Variants in RFPL2 observed in about 807,000 individuals in gnomAD.
RFPL2 encodes ret finger protein-like 2.
A neutral mutation model predicts 17.8 loss-of-function variants in RFPL2; 13 were observed. The observed-to-expected ratio is 0.73, with a 90% confidence interval of 0.47 to 1.16. The LOEUF (loss-of-function observed/expected upper bound fraction) is 1.16, where lower values mean the gene tolerates loss of function less well. Ranked by LOEUF, RFPL2 falls within the 50% of genes most tolerant of loss-of-function variation. The probability of loss-of-function intolerance (pLI) is 0.00; values close to 1 mark genes in which losing one functional copy is unlikely to be tolerated. For synonymous variants in RFPL2, 189 were observed against 180.9 expected, an observed-to-expected ratio of 1.04 and a Z score of -0.36; for missense variants, 431 against 479.3, an observed-to-expected ratio of 0.90 and a Z score of 0.94.
At chr22:32,194,208 T>C in intron 3 of RFPL2, 137 bp downstream of exon 3, 11 of 986,870 alleles carry the variant, frequency 1.1e-5, no homozygotes, top group Non-Finnish European at 1.6e-5. Context: ...GGGTGACTGG[T>C]TTCCAACTCT....
At chr22:32,195,506 AGTGCAGTGG>A (rs1463904733) in intron 2 of RFPL2, among the ~76,000 whole-genome samples, 3 of 151,724 alleles carry the variant, frequency 2.0e-5, no homozygotes, top group Non-Finnish European at 4.4e-5. Flanking sequence ...GCCAGGCTGG[AGTGCAGTGG>A]CACAAACTTG....
At chr22:32,191,395 C>T (rs760872897) in intron 4 of RFPL2, 43 bp from the exon 5 acceptor site, 5 of 1,570,982 alleles carry the variant, frequency 3.2e-6, no homozygotes, top group South Asian at 1.2e-5. Flanking sequence ...GGACAGAAAC[C>T]AACCCTATGC....
intron 1 of RFPL2, among the ~76,000 whole-genome samples, chr22:32,203,832 T>C (rs111299827): frequency 1.3e-5 from 2 of 149,008 alleles, no homozygotes; most frequent in Admixed American, 6.6e-5. Context: ...CCCGCCGCTG[T>C]GGGAAATGAC....
chr22:32,195,866 C>A (rs1244102212), intron 2 of RFPL2, among the ~76,000 whole-genome samples: 1 of 152,098 alleles, frequency 6.6e-6, no homozygotes, highest in Non-Finnish European at 1.5e-5. Context: ...TGCTAGAGCC[C>A]ATTTCTCCCA....
At chr22:32,200,875 C>A (rs747445167) in intron 2 of RFPL2, among the ~76,000 whole-genome samples, 6 of 151,916 alleles carry the variant, frequency 3.9e-5, no homozygotes, top group African/African-American at 7.3e-5. Context: ...GGGCCCGCCT[C>A]GATTCTTCAC....
intron 1 of RFPL2, chr22:32,203,029 A>T (rs1569356338): frequency 1.0e-6 from 1 of 985,786 alleles, no homozygotes; most frequent in Non-Finnish European, 1.2e-6. Context: ...CAAGAACAGG[A>T]GGAGGTGGCC....
chr22:32,204,519 C>T (rs1159636817), intron 1 of RFPL2, among the ~76,000 whole-genome samples, 188 bp downstream of exon 1: 1 of 152,244 alleles, frequency 6.6e-6, no homozygotes. Flanking sequence ...CCAGATCGTG[C>T]ATCCAACCTG....
At chr22:32,192,832 G>T in intron 4 of RFPL2, 70 bp downstream of exon 4, 1 of 1,530,548 alleles carries the variant, frequency 6.5e-7, no homozygotes, top group South Asian at 1.3e-5. Flanking sequence ...TGTGGAATGA[G>T]GGGCCAACTG....
chr22:32,202,308 C>G, intron 2 of RFPL2, 25 bp downstream of exon 2: 1 of 1,569,024 alleles, frequency 6.4e-7, no homozygotes, highest in South Asian at 1.2e-5. Flanking sequence ...TGGAGCAATG[C>G]GGAAAACCCA....
intron 2 of RFPL2, among the ~76,000 whole-genome samples, chr22:32,196,215 C>A (rs1368892562): frequency 6.6e-6 from 1 of 152,154 alleles, no homozygotes; most frequent in Non-Finnish European, 1.5e-5. Context: ...CTGCAGGTAT[C>A]GTGGAAATGG....
chr22:32,194,462 G>A lies in RFPL2; in HGVS notation c.148C>T (p.Arg50Cys), dbSNP rs108211. ...AGATTCCCACCTCCCACTGGGTCAC[G>A]CCCTTCCACACCCTCTAACCTGATG... The part of the protein sequence containing the change: ...SLIRLEGVEG[R>C]DPVGGGNLTN... Residue 50 changes from arginine (R) to cysteine (C), a missense_variant, in exon 3 of 5, where the codon CGT becomes TGT. Arg to Cys is a radical substitution (Grantham distance 180). Coordinates refer to ENST00000652607, the MANE Select transcript of RFPL2 (RefSeq NM_001394555.1). 0.48 allele frequency: 771,810 copies of A among 1,609,490 alleles called. 193,148 individuals carry two copies. Among genetic ancestry groups the A allele is most frequent in the African/African-American group, 0.79 (58,920 of 74,814 alleles).
At chr22:32,201,599 C>T (rs142679570) in intron 2 of RFPL2, among the ~76,000 whole-genome samples, 142 of 152,228 alleles carry the variant, frequency 9.3e-4, no homozygotes, top group African/African-American at 3.1e-3. Flanking sequence ...CTTTGGAGGA[C>T]GCATCATTTA....
chr22:32,202,673 G>C, intron 1 of RFPL2, 123 bp from the exon 2 acceptor site: 2 of 1,359,708 alleles, frequency 1.5e-6, no homozygotes, highest in Non-Finnish European at 1.9e-6. Flanking sequence ...TCTCCTTTTA[G>C]CGCAAGCTGG....
chr22:32,197,960 T>C (rs1923522367), intron 2 of RFPL2, among the ~76,000 whole-genome samples: 1 of 151,654 alleles, frequency 6.6e-6, no homozygotes. Context: ...TCCCTGGAGG[T>C]TGAGGCTGGA....
At chr22:32,195,839 T>C (rs544069639) in intron 2 of RFPL2, among the ~76,000 whole-genome samples, 2 of 152,222 alleles carry the variant, frequency 1.3e-5, no homozygotes, top group African/African-American at 4.8e-5. Flanking sequence ...TAAGTGACCA[T>C]ATTTACCCCA....
intron 1 of RFPL2, chr22:32,203,300 G>T (rs536808932): frequency 1.2e-5 from 2 of 163,954 alleles, no homozygotes; most frequent in South Asian, 2.0e-4. Flanking sequence ...TGACTCCCGG[G>T]ATAGCGCCCC....
chr22:32,193,604 G>T, intron 3 of RFPL2: 1 of 785,542 alleles, frequency 1.3e-6, no homozygotes, highest in African/African-American at 1.8e-5. Context: ...GCTCATGCCT[G>T]TCCAGCACTT....
In RFPL2 at chr22:32,203,656, G is replaced by A. The variant is rs191987697; in HGVS notation, c.-100+1051C>T. Among the ~76,000 whole-genome samples the A allele has an allele frequency of 8.8e-3, 1,337 of 151,714 alleles. 7 individuals carry two copies. The highest frequency in any genetic ancestry group is 0.032 in the South Asian group (151 of 4,788). On this transcript the variant is annotated intron_variant, in intron 1 of 4. Coordinates refer to ENST00000652607, the MANE Select transcript of RFPL2 (RefSeq NM_001394555.1). ...CTGGCTGTGGGCAGTGCAGCCCATGGGTAGCGCCCCCAACCAGCCCCCAGC... is the reference window on the plus strand; with the variant it reads ...CTGGCTGTGGGCAGTGCAGCCCATGAGTAGCGCCCCCAACCAGCCCCCAGC...
At chr22:32,200,785 C>G (rs549215696) in intron 2 of RFPL2, among the ~76,000 whole-genome samples, 34 of 152,130 alleles carry the variant, frequency 2.2e-4, no homozygotes, top group Non-Finnish European at 4.3e-4. Flanking sequence ...CCTCTTTTCT[C>G]TCTGCCCAGC....
Sources: gnomAD v4.1 joint callset for allele counts (sites outside exome capture counted in the v4.1 genomes callset) on GRCh38, gnomAD v4.1.1 for gene constraint, MANE v1.5 for transcripts, NCBI Gene and HGNC (gene_info 2026-07-23, HGNC 2026-07-21) for gene names.